The following UPP2 variants were observed in gnomAD, a reference collection of about 807,000 sequenced individuals.
The protein encoded by UPP2 is uridine phosphorylase 2, also known as UPase 2.
UPP2 carries 23 observed loss-of-function variants against 26.7 expected under a neutral mutation model. The observed-to-expected ratio is 0.86, with a 90% confidence interval of 0.62 to 1.22. UPP2 has a LOEUF of 1.22. UPP2 is among the 50% of genes most tolerant of loss of function. UPP2 has a pLI of 0.00. For missense variants in UPP2, 387 were observed against 396.7 expected (o/e 0.98, Z 0.21); for synonymous variants, 127 against 141.3 (o/e 0.90, Z 0.72).
Position 158,135,028 on chromosome 2 carries a change from C to T in UPP2, c.*138C>T, listed in dbSNP as rs139270394. On this transcript the variant is annotated 3_prime_UTR_variant, in exon 7 of 7. Coordinates refer to ENST00000005756, the MANE Select transcript of UPP2 (RefSeq NM_173355.4). Reference sequence around the variant, plus strand: ...TGGAAAGACTTTATGAAATCCTTCTCTCTTAAAAAGGAATTTATTGTAAAA... The same window carrying T: ...TGGAAAGACTTTATGAAATCCTTCTTTCTTAAAAAGGAATTTATTGTAAAA... The T allele has an allele frequency of 2.2e-4, 236 of 1,066,494 alleles. 1 individual carries two copies. The East Asian group carries it at 6.7e-3, about 30-fold the overall frequency. 66.1% of individuals were successfully genotyped at this position (1,066,494 alleles called of 1,614,324 possible). A position where few individuals can be genotyped will look rare whatever the true frequency, so the allele number is the denominator to read the frequency against.
intron 1 of UPP2, among the ~76,000 whole-genome samples, chr2:158,105,214 C>T (rs185897298): frequency 3.3e-5 from 5 of 152,196 alleles, no homozygotes; most frequent in Admixed American, 6.5e-5. Context: ...AAATGATATG[C>T]TTCATAAATA....
At chr2:158,123,953 C>A in intron 6 of UPP2, 58 bp downstream of exon 6, 1 of 1,579,804 alleles carries the variant, frequency 6.3e-7, no homozygotes, top group Non-Finnish European at 8.6e-7. Flanking sequence ...GCTACTTTTA[C>A]ACCTTAGGAG....
chr2:158,003,206 G>A (rs1683435871), intron 2 of UPP2, among the ~76,000 whole-genome samples: 1 of 152,082 alleles, frequency 6.6e-6, no homozygotes. Flanking sequence ...TGTGTTGGTG[G>A]AGGTGTCAGA....
chr2:158,077,189 G>A (rs183949243), intron 3 of UPP2, among the ~76,000 whole-genome samples: 314 of 152,026 alleles, frequency 2.1e-3, no homozygotes, highest in Non-Finnish European at 3.8e-3. Context: ...AAAATATTCC[G>A]TTTCATAGAT....
upstream of UPP2, among the ~76,000 whole-genome samples, chr2:158,098,595 A>C (rs7591044): frequency 0.026 from 3,957 of 152,308 alleles, 176 homozygotes; most frequent in African/African-American, 0.087. Flanking sequence ...ATACAAGGAA[A>C]TGAGCACATG....
chr2:158,006,396 G>A (rs552982077), intron 2 of UPP2, among the ~76,000 whole-genome samples: 1 of 151,770 alleles, frequency 6.6e-6, no homozygotes, highest in Non-Finnish European at 1.5e-5. Flanking sequence ...GTGAACAAGG[G>A]AGGCGGAGCC....
At chr2:158,071,914 T>A (rs1225935614) in intron 3 of UPP2, among the ~76,000 whole-genome samples, 1 of 152,174 alleles carries the variant, frequency 6.6e-6, no homozygotes, top group East Asian at 1.9e-4. Flanking sequence ...CAGCGACTAC[T>A]ATGAAAGACT....
chr2:158,003,514 C>A (rs746391540), intron 2 of UPP2, among the ~76,000 whole-genome samples: 6 of 151,940 alleles, frequency 3.9e-5, no homozygotes, highest in Admixed American at 6.6e-5. Context: ...TCGAGACCAG[C>A]CTGGCCAAAA....
In UPP2 at chr2:158,026,561, G is replaced by A. The variant is rs1683836091; in HGVS notation, c.147+10675G>A. On this transcript the variant is annotated intron_variant, in intron 3 of 9. Coordinates refer to the UPP2 transcript ENST00000605860. ...TGGAGGAGATGCATATATGGTTGAG[G>A]AGAGGGGATACTTCATAAGTCACCG... Among the ~76,000 whole-genome samples, 3 of 152,096 alleles carry A rather than the reference G, an allele frequency of 2.0e-5. No individual in the cohort carries two copies. The South Asian group carries it at 6.2e-4, about 32-fold the overall frequency.
At chr2:158,038,445 T>C (rs895145486) in intron 3 of UPP2, among the ~76,000 whole-genome samples, 13 of 152,244 alleles carry the variant, frequency 8.5e-5, no homozygotes, top group African/African-American at 3.1e-4. Context: ...AGATACTTTG[T>C]AGCACATGTT....
At chr2:158,006,892 G>T (rs75835757) in intron 2 of UPP2, among the ~76,000 whole-genome samples, 2,256 of 152,294 alleles carry the variant, frequency 0.015, 52 homozygotes, top group African/African-American at 0.051. Context: ...GTCAGGAAAG[G>T]TGAACATTCC....
intron 3 of UPP2, among the ~76,000 whole-genome samples, chr2:158,064,599 C>G (rs533002153): frequency 1.3e-5 from 2 of 152,214 alleles, no homozygotes; most frequent in South Asian, 2.1e-4. Flanking sequence ...TAATTAGATC[C>G]CATTTGTCAA....
At chr2:158,074,690 TACACAC>T (rs56277459) in intron 3 of UPP2, among the ~76,000 whole-genome samples, 165 of 135,476 alleles carry the variant, frequency 1.2e-3, no homozygotes, top group Admixed American at 1.9e-3. Flanking sequence ...AAGACCTTCA[TACACAC>T]ACACACACAC....
At chr2:158,018,315 T>C (rs1683693271) in intron 3 of UPP2, among the ~76,000 whole-genome samples, 1 of 152,270 alleles carries the variant, frequency 6.6e-6, no homozygotes, top group East Asian at 1.9e-4. Context: ...GTTTGGATTA[T>C]GCTAATATTC....
At chr2:158,046,982 C>T (rs559045313) in intron 3 of UPP2, among the ~76,000 whole-genome samples, 11 of 152,224 alleles carry the variant, frequency 7.2e-5, no homozygotes, top group South Asian at 4.1e-4. Flanking sequence ...TCAACTAAAA[C>T]GACACCATGC....
intron 3 of UPP2, among the ~76,000 whole-genome samples, chr2:158,049,394 T>C (rs539108778): frequency 6.6e-6 from 1 of 152,328 alleles, no homozygotes; most frequent in African/African-American, 2.4e-5. Context: ...TTTAACCTCA[T>C]TGGTTAAGTT....
At chr2:158,031,743 T>C (rs116112874) in intron 3 of UPP2, among the ~76,000 whole-genome samples, 2,258 of 152,328 alleles carry the variant, frequency 0.015, 43 homozygotes, top group African/African-American at 0.051. Flanking sequence ...TGAAATAACA[T>C]TGAGAAAGTA....
At chr2:157,996,835 G>A (rs981689804) in intron 2 of UPP2, among the ~76,000 whole-genome samples, 5 of 152,180 alleles carry the variant, frequency 3.3e-5, no homozygotes, top group Non-Finnish European at 7.4e-5. Context: ...AATTGAATAA[G>A]TAATTTTAGG....
intron 3 of UPP2, among the ~76,000 whole-genome samples, chr2:158,053,022 C>G (rs1682184887): frequency 6.6e-6 from 1 of 152,140 alleles, no homozygotes; most frequent in South Asian, 2.1e-4. Context: ...CAAATCTCCT[C>G]ATTACAGGGA....
Sources: allele counts gnomAD v4.1 joint callset (sites outside exome capture counted in the v4.1 genomes callset), GRCh38; gene constraint gnomAD v4.1.1; transcripts MANE v1.5; gene names NCBI Gene and HGNC (gene_info 2026-07-23, HGNC 2026-07-21).